The following TBXAS1 variants were observed in gnomAD, a reference collection of about 807,000 sequenced individuals.
TBXAS1 encodes thromboxane A synthase 1, also known as thromboxane-A synthase.
Under a neutral mutation model 60.7 loss-of-function variants are expected in TBXAS1, and 48 were observed. The ratio of observed to expected loss-of-function variants is 0.79; its 90% CI spans 0.63 to 1.01. The LOEUF is 1.01. Ranked by LOEUF, TBXAS1 falls within the 50% of genes least tolerant of loss-of-function variation. The pLI, the probability that TBXAS1 is intolerant of heterozygous loss-of-function variation, is 0.00. For missense variants in TBXAS1, 685 were observed against 686.3 expected (o/e 1.00, Z 0.02); for synonymous variants, 287 against 269.7 (o/e 1.06, Z -0.63).
intron 9 of TBXAS1, among the ~76,000 whole-genome samples, chr7:140,000,202 A>G (rs922400743): frequency 1.3e-5 from 2 of 152,204 alleles, no homozygotes; most frequent in Non-Finnish European, 2.9e-5. Flanking sequence ...TTGTATTTAA[A>G]TGTATTTAAA....
chr7:139,878,259 G>C (rs1320964721), intron 3 of TBXAS1, among the ~76,000 whole-genome samples: 1 of 152,044 alleles, frequency 6.6e-6, no homozygotes, highest in East Asian at 1.9e-4. Flanking sequence ...AGAGGAGAGA[G>C]AGAGGTGGAG....
At chr7:139,804,718 C>T (rs190007488) in intron 4 of TBXAS1, among the ~76,000 whole-genome samples, 308 of 152,256 alleles carry the variant, frequency 2.0e-3, no homozygotes, top group African/African-American at 6.9e-3. Context: ...GTTCTATAAA[C>T]GGCAGTTCCC....
chr7:139,957,997 C>T (rs975060806), intron 8 of TBXAS1, among the ~76,000 whole-genome samples: 4 of 152,132 alleles, frequency 2.6e-5, no homozygotes, highest in African/African-American at 7.2e-5. Context: ...TGTGTACATC[C>T]TCGGACACGG....
intron 1 of TBXAS1, among the ~76,000 whole-genome samples, chr7:139,833,861 G>A (rs1346699554): frequency 6.6e-6 from 1 of 151,966 alleles, no homozygotes; most frequent in Non-Finnish European, 1.5e-5. Context: ...CAATAATAGT[G>A]GCAGATTTCA....
intron 5 of TBXAS1, 54 bp from the exon 6 acceptor site, chr7:139,953,314 T>G (rs1289591075): frequency 4.1e-6 from 6 of 1,463,522 alleles, no homozygotes; most frequent in African/African-American, 1.4e-5. Context: ...TGCAGCCAAT[T>G]TAGGTGTACT....
chr7:139,785,089 AC>A (rs1797144953), intron 3 of TBXAS1, among the ~76,000 whole-genome samples: 1 of 152,176 alleles, frequency 6.6e-6, no homozygotes, highest in Non-Finnish European at 1.5e-5. Context: ...CCTAGGGGAT[AC>A]ATTTACACAA....
intron 9 of TBXAS1, among the ~76,000 whole-genome samples, chr7:139,986,849 GC>G (rs1215513504): frequency 6.8e-6 from 1 of 147,202 alleles, no homozygotes; most frequent in Non-Finnish European, 1.5e-5. Context: ...TAGTTGATGG[GC>G]ATTTGGGCTG....
chr7:139,898,257 G>A (rs1043992814), intron 3 of TBXAS1, among the ~76,000 whole-genome samples: 4 of 152,120 alleles, frequency 2.6e-5, no homozygotes, highest in Non-Finnish European at 4.4e-5. Flanking sequence ...TTGAGGGTAG[G>A]ACAGCAGCTA....
intron 5 of TBXAS1, among the ~76,000 whole-genome samples, chr7:139,937,298 C>A (rs990791234): frequency 5.3e-5 from 8 of 152,188 alleles, no homozygotes; most frequent in South Asian, 2.1e-4. Flanking sequence ...TCCACCCTGT[C>A]TGGATGTTCC....
chr7:139,875,345 G>T (rs1336410871), intron 2 of TBXAS1, among the ~76,000 whole-genome samples: 1 of 152,166 alleles, frequency 6.6e-6, no homozygotes, highest in African/African-American at 2.4e-5. Flanking sequence ...TTAGCAGCAA[G>T]TATACATAAG....
chr7:139,882,351 A>G (rs1161584982), intron 3 of TBXAS1, among the ~76,000 whole-genome samples: 1 of 152,258 alleles, frequency 6.6e-6, no homozygotes, highest in African/African-American at 2.4e-5. Flanking sequence ...TTTGTCCAAG[A>G]AAAGACAAGT....
chr7:140,020,220 G>T lies in TBXAS1; in HGVS notation c.*121G>T. ...ATTGAAAGAGTGCCTGGCATGCAAG[G>T]ATAAGAGGTTCTTTACATAACATTT... On this transcript the variant is annotated 3_prime_UTR_variant, in exon 13 of 13. Coordinates refer to ENST00000448866, the MANE Select transcript of TBXAS1 (RefSeq NM_001061.7). 1 of 952,078 alleles carries T rather than the reference G, an allele frequency of 1.1e-6. No homozygotes were observed. The highest frequency in any genetic ancestry group is 1.7e-6 in the Non-Finnish European group (1 of 596,704). 59.0% of individuals were successfully genotyped at this position (952,078 alleles called of 1,614,324 possible). A position where few individuals can be genotyped will look rare whatever the true frequency, so the allele number is the denominator to read the frequency against.
chr7:139,991,106 G>C (rs556760968), intron 9 of TBXAS1, among the ~76,000 whole-genome samples: 45 of 152,198 alleles, frequency 3.0e-4, no homozygotes, highest in Non-Finnish European at 4.8e-4. Flanking sequence ...AAACCACAGA[G>C]AGCGTGCGCT....
chr7:139,997,033 T>C (rs1813347517), intron 9 of TBXAS1, among the ~76,000 whole-genome samples: 1 of 152,246 alleles, frequency 6.6e-6, no homozygotes, highest in Non-Finnish European at 1.5e-5. Flanking sequence ...CCATTTTCAG[T>C]ATGTTATCTT....
intron 1 of TBXAS1, among the ~76,000 whole-genome samples, chr7:139,830,444 C>T (rs114781994): frequency 2.2e-4 from 33 of 152,210 alleles, no homozygotes; most frequent in African/African-American, 7.7e-4. Flanking sequence ...GTGGAATTCA[C>T]GTTTGATGTT....
intron 12 of TBXAS1, among the ~76,000 whole-genome samples, chr7:140,018,698 CAG>C (rs1315552743): frequency 6.6e-6 from 1 of 152,222 alleles, no homozygotes; most frequent in Non-Finnish European, 1.5e-5. Context: ...AATCAAAGCT[CAG>C]AGAGGTTAAA....
At chr7:139,940,519 G>A (rs564799822) in intron 5 of TBXAS1, among the ~76,000 whole-genome samples, 1 of 152,266 alleles carries the variant, frequency 6.6e-6, no homozygotes, top group Admixed American at 6.5e-5. Flanking sequence ...TCTGCTGAGA[G>A]CCAGCGTGGA....
At chr7:139,985,112 A>G (rs1812349702) in intron 9 of TBXAS1, among the ~76,000 whole-genome samples, 1 of 152,204 alleles carries the variant, frequency 6.6e-6, no homozygotes, top group Non-Finnish European at 1.5e-5. Flanking sequence ...ACCTCTTCCT[A>G]AGGCAGGACT....
In TBXAS1 at chr7:139,953,218, T is replaced by A. The variant is rs556348449; in HGVS notation, c.451-150T>A. On this transcript the variant is annotated intron_variant, in intron 5 of 12. Transcript: ENST00000448866. ...TTATGAATATTTGTGAATTTTAGGA[T>A]CTTCTTCTTGAATCTTAGCTGTGTG... 31 of 697,648 alleles carry A rather than the reference T, an allele frequency of 4.4e-5. 2 individuals are homozygous for A. The highest frequency in any genetic ancestry group is 5.0e-4 in the Middle Eastern group (2 of 3,990). 43.2% of individuals were successfully genotyped at this position (697,648 alleles called of 1,614,324 possible). A position where few individuals can be genotyped will look rare whatever the true frequency, so the allele number is the denominator to read the frequency against.
Sources: allele counts gnomAD v4.1 joint callset (sites outside exome capture counted in the v4.1 genomes callset), GRCh38; gene constraint gnomAD v4.1.1; transcripts MANE v1.5; gene names NCBI Gene and HGNC (gene_info 2026-07-23, HGNC 2026-07-21).